Variants in TRAF2 observed in about 807,000 individuals in gnomAD.
TRAF2 encodes TNF receptor-associated factor 2.
In TRAF2, 6 loss-of-function variants were observed where a neutral mutation model predicts 55.6. The observed-to-expected ratio is 0.11, with a 90% CI of 0.06 to 0.21. TRAF2 has a LOEUF of 0.21. Among genes scored for constraint, TRAF2 ranks in the 10% least tolerant of loss-of-function variants. The probability of loss-of-function intolerance (pLI) is 1.00; values close to 1 mark genes in which losing one functional copy is unlikely to be tolerated. For missense variants in TRAF2, 561 were observed against 684.5 expected (o/e 0.82, Z 2.01); for synonymous variants, 329 against 276.3 (o/e 1.19, Z -1.89).
intron 8 of TRAF2, 134 bp from the exon 9 acceptor site, chr9:136,920,904 G>A: frequency 1.8e-6 from 2 of 1,095,814 alleles, no homozygotes; most frequent in Admixed American, 4.9e-5. Context: ...TTGTGTGCAG[G>A]GAGTGGACAT....
At chr9:136,924,811 C>T (rs1352935192) in intron 10 of TRAF2, among the ~76,000 whole-genome samples, 6 of 152,012 alleles carry the variant, frequency 3.9e-5, no homozygotes, top group Non-Finnish European at 7.4e-5. Context: ...ATGATCTCGG[C>T]TCACTGCAAC....
upstream of TRAF2, chr9:136,882,816 G>C: frequency 1.1e-6 from 1 of 883,506 alleles, no homozygotes; most frequent in Middle Eastern, 5.7e-4. Context: ...CAATCAGTGT[G>C]TGCCTCTGCC....
intron 6 of TRAF2, among the ~76,000 whole-genome samples, chr9:136,911,856 T>A (rs1588436664): frequency 8.4e-6 from 1 of 119,246 alleles, no homozygotes; most frequent in East Asian, 2.5e-4. Context: ...CTTTTTTTTT[T>A]TTTTTTTTTT....
chr9:136,919,904 C>T (rs1393916757), intron 7 of TRAF2, among the ~76,000 whole-genome samples: 13 of 151,936 alleles, frequency 8.6e-5, no homozygotes, highest in Non-Finnish European at 2.9e-5. Flanking sequence ...TTTTTGTAGA[C>T]GTGGGGTTTT....
chr9:136,884,800 G>A (rs546805405), upstream of TRAF2, among the ~76,000 whole-genome samples: 6 of 152,274 alleles, frequency 3.9e-5, no homozygotes, highest in South Asian at 2.1e-4. Context: ...GGGCTCAAGC[G>A]GTCCTCCTGC....
chr9:136,922,868 C>CT (rs1850427092), intron 9 of TRAF2, among the ~76,000 whole-genome samples: 1 of 99,472 alleles, frequency 1.0e-5, no homozygotes, highest in Admixed American at 1.2e-4. Flanking sequence ...GAGGATGGGC[C>CT]TGGGGGCACG....
Position 136,900,529 on chromosome 9 carries a change from G to C in TRAF2, c.366+9G>C, listed in dbSNP as rs138540053. Reference sequence around the variant, plus strand: ...CCCTGAAAGAATACGAGGTAAAGATGCCTGCGTGTGGCATGGTGACAGAAG... The same window carrying C: ...CCCTGAAAGAATACGAGGTAAAGATCCCTGCGTGTGGCATGGTGACAGAAG... On this transcript the variant is annotated intron_variant, in intron 4 of 10. Transcript: ENST00000247668. The C allele has an allele frequency of 1.2e-6, 2 of 1,610,884 alleles. No individual in the cohort carries two copies. The highest frequency in any genetic ancestry group is 1.7e-6 in the Non-Finnish European group (2 of 1,177,196).
At chr9:136,904,500 C>T (rs10781521) in intron 4 of TRAF2, among the ~76,000 whole-genome samples, 116,178 of 152,172 alleles carry the variant, frequency 0.76, 44,615 homozygotes, top group East Asian at 0.87. Flanking sequence ...CCACCTCCCA[C>T]GTTCACGCCA....
At position 136,921,331 on chromosome 9, in the gene TRAF2, A is replaced by C. The variant is rs904677734; in HGVS notation, c.1138+116A>C. 8 of 1,311,936 alleles carry C rather than the reference A, an allele frequency of 6.1e-6. No individual in the cohort carries two copies. In the South Asian group the frequency reaches 9.4e-5, roughly 15 times the overall value. 81.3% of individuals were successfully genotyped at this position (1,311,936 alleles called of 1,614,324 possible). A position where few individuals can be genotyped will look rare whatever the true frequency, so the allele number is the denominator to read the frequency against. ...AGGGTGGGGCTGGGATACGACCCCC[A>C]GTGATACCGGGAGCAGCTACACCTC... On this transcript the variant is annotated intron_variant, in intron 9 of 10. Coordinates refer to ENST00000247668, the MANE Select transcript of TRAF2 (RefSeq NM_021138.4).
chr9:136,899,766 TG>T, intron 3 of TRAF2, 94 bp downstream of exon 3: 3 of 1,243,894 alleles, frequency 2.4e-6, no homozygotes, highest in Non-Finnish European at 3.4e-6. Context: ...GGCTCACACC[TG>T]TAATCCCAGC....
chr9:136,906,240 C>T (rs1588430964), intron 4 of TRAF2, among the ~76,000 whole-genome samples: 2 of 152,174 alleles, frequency 1.3e-5, no homozygotes, highest in South Asian at 2.1e-4. Flanking sequence ...ATTCTTACCC[C>T]TGCACTCCAG....
chr9:136,893,962 C>T (rs1380156301), intron 1 of TRAF2, among the ~76,000 whole-genome samples: 1 of 150,466 alleles, frequency 6.6e-6, no homozygotes, highest in Non-Finnish European at 1.5e-5. Flanking sequence ...GTTGGTCGGG[C>T]TGGTCTCAAA....
At chr9:136,904,412 TTTTA>T (rs1338005792) in intron 4 of TRAF2, among the ~76,000 whole-genome samples, 5 of 152,238 alleles carry the variant, frequency 3.3e-5, no homozygotes, top group South Asian at 2.1e-4. Context: ...ATTTTTATTT[TTTTA>T]TTTATTTGAG....
chr9:136,910,022 C>T, intron 6 of TRAF2, 28 bp downstream of exon 6: 2 of 1,608,278 alleles, frequency 1.2e-6, no homozygotes, highest in South Asian at 1.1e-5. Context: ...CCTTGGAGGA[C>T]CGCAGGGCGG....
intron 4 of TRAF2, among the ~76,000 whole-genome samples, chr9:136,906,854 C>T (rs1263679030): frequency 6.6e-6 from 1 of 152,212 alleles, no homozygotes; most frequent in Non-Finnish European, 1.5e-5. Context: ...TCTCCCGTTA[C>T]ACTAGCACCT....
chr9:136,906,102 A>G (rs1849943911), intron 4 of TRAF2, among the ~76,000 whole-genome samples: 1 of 152,140 alleles, frequency 6.6e-6, no homozygotes, highest in Non-Finnish European at 1.5e-5. Flanking sequence ...TCCATCTCAA[A>G]ACAAAAACAA....
rs1413114861 is a variant in TRAF2 at position 136,899,622 on chromosome 9, G to C, written c.217G>C (p.Val73Leu). 1 of 1,613,482 alleles carries C rather than the reference G, an allele frequency of 6.2e-7. No individual in the cohort carries two copies. The highest frequency in any genetic ancestry group is 1.7e-5 in the Admixed American group (1 of 60,004). ...TGGGCCTCAGAACTGTGCTGCCTGT[G>C]TTCACGAGGGCATATATGAAGAAGG... ...SSGPQNCAAC[V>L]HEGIYEEGIS... Residue 73 changes from valine (V) to leucine (L), a missense_variant, in exon 3 of 11, where the codon GTT (valine) becomes CTT (leucine). This residue lies in a region of TRAF2 where 426 missense variants were observed against 476.8 expected (regional missense o/e 0.89). Coordinates refer to ENST00000247668, the MANE Select transcript of TRAF2 (RefSeq NM_021138.4).
intron 7 of TRAF2, 30 bp downstream of exon 7, chr9:136,916,645 A>T: frequency 6.2e-7 from 1 of 1,607,602 alleles, no homozygotes. Context: ...GTTGGGGGCC[A>T]CCCCTCATCC....
intron 1 of TRAF2, among the ~76,000 whole-genome samples, chr9:136,896,430 G>T (rs1005080862): frequency 6.6e-6 from 1 of 152,226 alleles, no homozygotes; most frequent in Non-Finnish European, 1.5e-5. Context: ...TTTCTCATCC[G>T]CAGCTTCCTG....
Sources: allele counts gnomAD v4.1 joint callset (sites outside exome capture counted in the v4.1 genomes callset), GRCh38; gene constraint gnomAD v4.1.1; regional missense constraint gnomAD v4.1.1; transcripts MANE v1.5; gene names NCBI Gene and HGNC (gene_info 2026-07-23, HGNC 2026-07-21).